YIPF2: variants seen among roughly 807,000 people sequenced by gnomAD.
The protein encoded by YIPF2 is protein YIPF2.
Under a neutral mutation model 38.8 loss-of-function variants are expected in YIPF2, and 30 were observed. That is an observed-to-expected ratio of 0.77 (90% CI 0.58 to 1.05). The LOEUF (loss-of-function observed/expected upper bound fraction) is 1.05, where lower values mean the gene tolerates loss of function less well. YIPF2 is among the 50% of genes least tolerant of loss of function. YIPF2 has a pLI of 0.00. For synonymous variants in YIPF2, 194 were observed against 183.8 expected (o/e 1.06, Z -0.45); for missense variants, 401 against 409.7 (o/e 0.98, Z 0.18).
Position 10,924,202 on chromosome 19 carries a change from G to C in YIPF2, c.368-10C>G, listed in dbSNP as rs1377752569. On this transcript the variant is annotated splice_polypyrimidine_tract_variant and intron_variant, in intron 5 of 9. Coordinates refer to ENST00000586748, the MANE Select transcript of YIPF2 (RefSeq NM_001321439.2). Reference sequence around the variant, plus strand: ...CAGATCCAGAAGGGGCCTGGGGGTAGGGGGCACAGTCAGGGTCCCGGGCCC... The same window carrying C: ...CAGATCCAGAAGGGGCCTGGGGGTACGGGGCACAGTCAGGGTCCCGGGCCC... The C allele has an allele frequency of 6.2e-7, 1 of 1,607,602 alleles. No individual in the cohort carries two copies. Among genetic ancestry groups the C allele is most frequent in the Admixed American group, 1.7e-5 (1 of 59,944 alleles).
At chr19:10,923,434 C>T in intron 8 of YIPF2, 27 bp from the exon 9 acceptor site, 1 of 1,613,274 alleles carries the variant, frequency 6.2e-7, no homozygotes, top group Non-Finnish European at 8.5e-7. Flanking sequence ...GGGTCAGAGG[C>T]AGGGCCAGCC....
At chr19:10,923,705 AT>A in intron 7 of YIPF2, 28 bp from the exon 8 acceptor site, 1 of 1,589,762 alleles carries the variant, frequency 6.3e-7, no homozygotes, top group Admixed American at 1.7e-5. Flanking sequence ...GCAGGTGACC[AT>A]GCCAGTCCCC....
intron 4 of YIPF2, among the ~76,000 whole-genome samples, chr19:10,926,030 C>T (rs772047109): frequency 2.6e-5 from 4 of 151,726 alleles, no homozygotes; most frequent in African/African-American, 4.8e-5. Flanking sequence ...CCTACCTCAG[C>T]CACCCGAGTA....
intron 6 of YIPF2, 25 bp from the exon 7 acceptor site, chr19:10,924,024 AC>A (rs1278063032): frequency 2.5e-6 from 4 of 1,611,076 alleles, no homozygotes; most frequent in African/African-American, 2.7e-5. Flanking sequence ...GTGAGCAGTC[AC>A]CCCCTGTACC....
Position 10,923,998 on chromosome 19 carries a change from C to T in YIPF2, c.486G>A (p.Val162=). The part of the protein sequence containing the change: ...SIHYSPQFHK[V]TVAGISIYCY... ...AGTAGATGCTGATGCCTGCCACGGT[C>T]ACTGGGGGGGGCAAGGTGAGCAGTC... Residue 162 remains valine (V), a splice_region_variant and synonymous_variant, in exon 7 of 10, where the codon GTG becomes GTA. Coordinates refer to ENST00000586748, the MANE Select transcript of YIPF2 (RefSeq NM_001321439.2). The T allele has an allele frequency of 6.2e-7, 1 of 1,612,676 alleles. No individual in the cohort carries two copies. The highest frequency in any genetic ancestry group is 2.2e-5 in the East Asian group (1 of 44,874).
Position 10,922,999 on chromosome 19 carries a change from T to C in YIPF2, c.*195A>G. Reference sequence around the variant, plus strand: ...CCTGTCCCAAAGCTCCCTGCTCGGCTGCCCCTCGCCCGCCTTTATATAAAT... The same window carrying C: ...CCTGTCCCAAAGCTCCCTGCTCGGCCGCCCCTCGCCCGCCTTTATATAAAT... On this transcript the variant is annotated 3_prime_UTR_variant, in exon 10 of 10. Coordinates refer to ENST00000586748, the MANE Select transcript of YIPF2 (RefSeq NM_001321439.2). 3.5e-6 allele frequency: 1 copy of C among 286,906 alleles called. No homozygotes were observed. Among genetic ancestry groups the C allele is most frequent in the Non-Finnish European group, 6.5e-6 (1 of 154,448 alleles). The allele number at this position is 286,906 out of a possible 1,614,324, so 17.8% of individuals were successfully genotyped here. A position where few individuals can be genotyped will look rare whatever the true frequency, so the allele number is the denominator to read the frequency against.
In YIPF2 at chr19:10,927,639, G is replaced by A. The variant is rs1187632484; in HGVS notation, c.270C>T (p.Asp90=). 1 of 1,613,696 alleles carries A rather than the reference G, an allele frequency of 6.2e-7. No individual in the cohort carries two copies. The highest frequency in any genetic ancestry group is 8.5e-7 in the Non-Finnish European group (1 of 1,179,994). Residue 90 remains aspartate, a synonymous_variant, in exon 4 of 10, where the codon GAC becomes GAT. Transcript: ENST00000586748. ...FSYYQSFFDV[D]TSQVLDRIKG... ...GCCTCCCCAGCCTGACCTGTGAGGT[G>A]TCCACGTCAAAGAAGCTCTGATAGT...
intron 5 of YIPF2, among the ~76,000 whole-genome samples, chr19:10,925,203 G>C (rs2145270539): frequency 6.6e-6 from 1 of 150,758 alleles, no homozygotes; most frequent in East Asian, 2.0e-4. Context: ...CTGCACTCCA[G>C]CCTGGGTGAC....
In YIPF2 at chr19:10,925,683, C is replaced by A; in HGVS notation, c.367+3G>T. ...AAGGAACCAAATGCACAACCTCACT[C>A]ACCATACAGATCCGGCCGATTCCGC... On this transcript the variant is annotated splice_donor_region_variant and intron_variant, in intron 5 of 9. Transcript: ENST00000586748. 1 of 1,614,008 alleles carries A rather than the reference C, an allele frequency of 6.2e-7. No homozygotes were observed. The highest frequency in any genetic ancestry group is 1.1e-5 in the South Asian group (1 of 91,072).
intron 1 of YIPF2, 32 bp downstream of exon 1, chr19:10,928,479 C>T (rs1267369673): frequency 1.5e-6 from 2 of 1,355,822 alleles, no homozygotes; most frequent in Non-Finnish European, 9.5e-7. Flanking sequence ...TCCCCCCCGC[C>T]CCCGAGCCGG....
rs1467105598 is a variant in YIPF2, at chr19:10,924,203, G to A, written c.368-11C>T. 6.2e-7 allele frequency: 1 copy of A among 1,607,752 alleles called. No homozygotes were observed. The highest frequency in any genetic ancestry group is 1.1e-5 in the South Asian group (1 of 91,002). ...AGATCCAGAAGGGGCCTGGGGGTAG[G>A]GGGCACAGTCAGGGTCCCGGGCCCT... On this transcript the variant is annotated splice_polypyrimidine_tract_variant and intron_variant, in intron 5 of 9. Coordinates refer to ENST00000586748, the MANE Select transcript of YIPF2 (RefSeq NM_001321439.2).
rs1002254766 is a variant in YIPF2 at position 10,928,633 on chromosome 19, C to G, written c.-153G>C. On this transcript the variant is annotated 5_prime_UTR_variant, in exon 1 of 10. Transcript: ENST00000586748. ...GCTGGGGCTCTCTGCGCCTGCGCGT[C>G]TCGCCTACCCGTCAGACTCCAACCG... 3.6e-6 allele frequency: 3 copies of G among 841,124 alleles called. No homozygotes were observed. The highest frequency in any genetic ancestry group is 1.7e-6 in the Non-Finnish European group (1 of 584,148). 52.1% of individuals were successfully genotyped at this position (841,124 alleles called of 1,614,324 possible).
rs1169939206 is a variant in YIPF2, at chr19:10,925,560, C to T, written c.367+126G>A. 18 of 1,140,950 alleles carry T rather than the reference C, an allele frequency of 1.6e-5. 1 individual carries two copies. The East Asian group carries it at 4.4e-4, about 28-fold the overall frequency. 70.7% of individuals were successfully genotyped at this position (1,140,950 alleles called of 1,614,324 possible). A position where few individuals can be genotyped will look rare whatever the true frequency, so the allele number is the denominator to read the frequency against. ...CTGCAGTCCTTCATGTCTCTGTCTC[C>T]CTGAACAGCAGGTAAGTCACACTGT... On this transcript the variant is annotated intron_variant, in intron 5 of 9. Coordinates refer to ENST00000586748, the MANE Select transcript of YIPF2 (RefSeq NM_001321439.2).
chr19:10,925,549 GTC>G (rs1599724219), intron 5 of YIPF2, 135 bp downstream of exon 5: 1 of 1,040,370 alleles, frequency 9.6e-7, no homozygotes, highest in East Asian at 2.7e-5. Flanking sequence ...AGTCCTTCAT[GTC>G]TCTGTCTCCC....
In YIPF2 at chr19:10,923,268, T is replaced by G; in HGVS notation, c.*19+4A>C. The G allele has an allele frequency of 1.3e-6, 2 of 1,599,134 alleles. No individual in the cohort carries two copies. Among genetic ancestry groups the G allele is most frequent in the Non-Finnish European group, 1.7e-6 (2 of 1,174,468 alleles). On this transcript the variant is annotated splice_donor_region_variant and intron_variant, in intron 9 of 9. Transcript: ENST00000586748. Reference sequence around the variant, plus strand: ...CCCTTAGCCCAGCTGGGAATAGTCCTTACCTGTGGGACCCGGGCCTTCCTA... The same window carrying G: ...CCCTTAGCCCAGCTGGGAATAGTCCGTACCTGTGGGACCCGGGCCTTCCTA...
chr19:10,928,468 T>A (rs904976436), intron 1 of YIPF2, 28 bp from the exon 2 acceptor site: 3 of 1,358,860 alleles, frequency 2.2e-6, no homozygotes, highest in Admixed American at 3.7e-5. Context: ...TCAGGCACAC[T>A]TCCCCCCCGC....
In YIPF2 at chr19:10,925,526, C is replaced by T. The variant is rs1225480887; in HGVS notation, c.367+160G>A. Among the ~76,000 whole-genome samples, 4 of 152,154 alleles carry T rather than the reference C, an allele frequency of 2.6e-5. No individual in the cohort carries two copies. In the East Asian group the frequency reaches 5.8e-4, roughly 22 times the overall value. On this transcript the variant is annotated intron_variant, in intron 5 of 9. Transcript: ENST00000586748. ...CCTGTCTGCTCTGCTGCTCTCTACC[C>T]GCCACCCTCTGCAGTCCTTCATGTC...
At position 10,928,498 on chromosome 19, in the gene YIPF2, C is replaced by G; in HGVS notation, c.-31+13G>C. 1.5e-6 allele frequency: 2 copies of G among 1,341,068 alleles called. No homozygotes were observed. The highest frequency in any genetic ancestry group is 4.1e-5 in the South Asian group (2 of 49,060). The allele number at this position is 1,341,068 out of a possible 1,614,324, so 83.1% of individuals were successfully genotyped here. A position where few individuals can be genotyped will look rare whatever the true frequency, so the allele number is the denominator to read the frequency against. On this transcript the variant is annotated intron_variant, in intron 1 of 9. Coordinates refer to ENST00000586748, the MANE Select transcript of YIPF2 (RefSeq NM_001321439.2). The stretch of plus-strand genomic sequence containing the variant: ...CCCCGCCCCCGAGCCGGTCCCTCGG[C>G]CCCCAGCCCTACCTGGCGACCAACT...
At chr19:10,925,555 G>A (rs1022456003) in intron 5 of YIPF2, 131 bp downstream of exon 5, 6 of 1,088,348 alleles carry the variant, frequency 5.5e-6, no homozygotes, top group Admixed American at 2.1e-5. Flanking sequence ...TCATGTCTCT[G>A]TCTCCCTGAA....
Sources: gnomAD v4.1 joint callset for allele counts (sites outside exome capture counted in the v4.1 genomes callset) on GRCh38, gnomAD v4.1.1 for gene constraint, MANE v1.5 for transcripts, NCBI Gene and HGNC (gene_info 2026-07-23, HGNC 2026-07-21) for gene names.